The following STON1 variants were observed in gnomAD, a reference collection of about 807,000 sequenced individuals.
The protein encoded by STON1 is stonin 1.
Under a neutral mutation model 60.9 loss-of-function variants are expected in STON1, and 79 were observed. The observed-to-expected ratio is 1.30, with a 90% confidence interval of 1.08 to 1.56. The LOEUF is 1.56. Among genes scored for constraint, STON1 ranks in the 40% most tolerant of loss-of-function variants. The probability of loss-of-function intolerance (pLI) is 0.00; values close to 1 mark genes in which losing one functional copy is unlikely to be tolerated. For missense variants in STON1, 1,166 were observed against 858.9 expected (o/e 1.36, Z -4.47); for synonymous variants, 363 against 306.9 (o/e 1.18, Z -1.91).
At chr2:48,541,335 AGT>A (rs1671642890) in intron 1 of STON1, among the ~76,000 whole-genome samples, 1 of 151,638 alleles carries the variant, frequency 6.6e-6, no homozygotes, top group Non-Finnish European at 1.5e-5. Context: ...CCTGGGAGAC[AGT>A]GTGAGACTCC....
At chr2:48,566,910 C>G (rs189547988) in intron 1 of STON1, among the ~76,000 whole-genome samples, 16 of 151,982 alleles carry the variant, frequency 1.1e-4, no homozygotes, top group African/African-American at 3.9e-4. Context: ...AGTTGAAAGG[C>G]CTATTCAAGA....
At position 48,562,381 on chromosome 2, in the gene STON1, G is replaced by A. The variant is rs569510944; in HGVS notation, c.-47-18206G>A. On this transcript the variant is annotated intron_variant, in intron 1 of 3. Transcript: ENST00000404752. ...TGGGGATGCCTGCAGGTTTGACACC[G>A]CCTTGCTGCTCAGGGATCCTAGGCT... Among the ~76,000 whole-genome samples, 25 of 152,294 alleles carry A rather than the reference G, an allele frequency of 1.6e-4. 1 individual carries two copies. In the South Asian group the frequency reaches 5.0e-3, roughly 30 times the overall value.
intron 2 of STON1, among the ~76,000 whole-genome samples, chr2:48,587,123 C>T (rs964045131): frequency 2.0e-5 from 3 of 152,184 alleles, no homozygotes; most frequent in African/African-American, 7.2e-5. Context: ...CCATCCCCTA[C>T]TAATCGGGCT....
At chr2:48,577,396 C>A (rs983999438) in intron 1 of STON1, among the ~76,000 whole-genome samples, 4 of 151,834 alleles carry the variant, frequency 2.6e-5, no homozygotes, top group Non-Finnish European at 5.9e-5. Context: ...GCCTGACCAA[C>A]GTAGGGAAAC....
At chr2:48,534,310 A>T (rs2103730787) in intron 1 of STON1, among the ~76,000 whole-genome samples, 1 of 152,196 alleles carries the variant, frequency 6.6e-6, no homozygotes, top group South Asian at 2.1e-4. Flanking sequence ...AAATATTACT[A>T]TTATTTTCAT....
At chr2:48,578,935 C>T (rs568025205) in intron 1 of STON1, among the ~76,000 whole-genome samples, 16 of 151,988 alleles carry the variant, frequency 1.1e-4, no homozygotes, top group Admixed American at 1.3e-4. Context: ...AAAGATTAGA[C>T]ATCTCTGGTA....
Position 48,530,215 on chromosome 2 carries a change from C to T in STON1, c.-49C>T, listed in dbSNP as rs1359109450. 2.5e-6 allele frequency: 1 copy of T among 398,584 alleles called. No individual in the cohort carries two copies. The highest frequency in any genetic ancestry group is 4.9e-6 in the Non-Finnish European group (1 of 204,340). 24.7% of individuals were successfully genotyped at this position (398,584 alleles called of 1,614,324 possible). The stretch of plus-strand genomic sequence containing the variant: ...AGAATCGGAGCCCCAACCGCGCTGC[C>T]GGTGAGTGACCAGCCCCAGGGGACA... On this transcript the variant is annotated splice_region_variant and 5_prime_UTR_variant, in exon 1 of 4. Coordinates refer to ENST00000404752, the MANE Select transcript of STON1 (RefSeq NM_006873.4).
chr2:48,570,746 G>A (rs192041764), intron 1 of STON1, among the ~76,000 whole-genome samples: 17 of 150,534 alleles, frequency 1.1e-4, no homozygotes, highest in Admixed American at 4.6e-4. Flanking sequence ...AGAAACCTTC[G>A]AAACTCAGAA....
At chr2:48,566,555 T>C (rs1196292474) in intron 1 of STON1, among the ~76,000 whole-genome samples, 1 of 152,140 alleles carries the variant, frequency 6.6e-6, no homozygotes, top group Non-Finnish European at 1.5e-5. Context: ...AGTGCTGAGA[T>C]TACAGGCGTG....
At chr2:48,588,187 G>A (rs1204385452) in intron 2 of STON1, among the ~76,000 whole-genome samples, 4 of 152,194 alleles carry the variant, frequency 2.6e-5, no homozygotes, top group Non-Finnish European at 4.4e-5. Context: ...CTGATGTGAC[G>A]CCAATGCATC....
chr2:48,596,454 G>A lies in STON1; in HGVS notation c.*1152G>A, dbSNP rs1674784503. 6.6e-6 allele frequency: 1 copy of A among 152,118 alleles called. No homozygotes were observed. The highest frequency in any genetic ancestry group is 6.6e-5 in the Admixed American group (1 of 15,260). The allele number at this position is 152,118 out of a possible 1,614,324, so 9.4% of individuals were successfully genotyped here. The stretch of plus-strand genomic sequence containing the variant: ...CCTTTCAGCATTTACAGTGAAAAGT[G>A]AGAATTTTAAAATTTATGAAATCTA... On this transcript the variant is annotated 3_prime_UTR_variant, in exon 4 of 4. Transcript: ENST00000404752.
At chr2:48,578,219 C>T (rs533277995) in intron 1 of STON1, among the ~76,000 whole-genome samples, 2 of 152,214 alleles carry the variant, frequency 1.3e-5, no homozygotes, top group African/African-American at 4.8e-5. Flanking sequence ...TCAGGTGATC[C>T]ACCCACCTTG....
At chr2:48,555,328 C>G (rs1672288213) in intron 1 of STON1, among the ~76,000 whole-genome samples, 1 of 59,990 alleles carries the variant, frequency 1.7e-5, no homozygotes, top group Admixed American at 1.5e-4. Flanking sequence ...GGGCTGACCC[C>G]CCCCACCTCC....
chr2:48,559,350 T>C (rs1336369190), intron 1 of STON1, among the ~76,000 whole-genome samples: 1 of 152,208 alleles, frequency 6.6e-6, no homozygotes, highest in Non-Finnish European at 1.5e-5. Flanking sequence ...AAGGCTCCAG[T>C]GGACTTGATG....
At chr2:48,574,538 A>T (rs1302246367) in intron 1 of STON1, among the ~76,000 whole-genome samples, 1 of 152,228 alleles carries the variant, frequency 6.6e-6, no homozygotes, top group Non-Finnish European at 1.5e-5. Context: ...GCTGTTATTT[A>T]AAAAATTCTG....
intron 2 of STON1, among the ~76,000 whole-genome samples, chr2:48,584,901 C>G (rs1674118218): frequency 6.6e-6 from 1 of 152,140 alleles, no homozygotes; most frequent in South Asian, 2.1e-4. Context: ...AGAGCTTGAG[C>G]TATGGGCAGG....
chr2:48,539,968 C>T (rs1302128327), intron 1 of STON1, among the ~76,000 whole-genome samples: 1 of 152,032 alleles, frequency 6.6e-6, no homozygotes, highest in African/African-American at 2.4e-5. Flanking sequence ...ACTAACAGCT[C>T]ATGGTGTAAG....
At chr2:48,531,365 A>G (rs1671204960) in intron 1 of STON1, 1 of 152,232 alleles carries the variant, frequency 6.6e-6, no homozygotes, top group Admixed American at 6.5e-5. Flanking sequence ...GCTGGACCAC[A>G]TAATAAAAAC....
chr2:48,550,082 G>C (rs888711788), intron 1 of STON1, among the ~76,000 whole-genome samples: 1 of 152,022 alleles, frequency 6.6e-6, no homozygotes, highest in African/African-American at 2.4e-5. Flanking sequence ...CTCTAGTTGA[G>C]GATTCTGAAG....
Sources: gnomAD v4.1 joint callset for allele counts (sites outside exome capture counted in the v4.1 genomes callset) on GRCh38, gnomAD v4.1.1 for gene constraint, MANE v1.5 for transcripts, NCBI Gene and HGNC (gene_info 2026-07-23, HGNC 2026-07-21) for gene names.